Variants in MRPS28 observed in about 807,000 individuals in gnomAD.
MRPS28 encodes the protein mitochondrial ribosomal protein S28.
In MRPS28, 7 loss-of-function variants were observed where a neutral mutation model predicts 10.8. That is an observed-to-expected ratio of 0.65 (90% confidence interval 0.37 to 1.22). MRPS28 has a LOEUF of 1.22. Ranked by LOEUF, MRPS28 falls within the 50% of genes most tolerant of loss-of-function variation. MRPS28 has a pLI of 0.02. For missense variants in MRPS28, 265 were observed against 232.9 expected (o/e 1.14, Z -0.90); for synonymous variants, 121 against 93.3 (o/e 1.30, Z -1.71).
chr8:79,972,040 C>T (rs1807649404), intron 2 of MRPS28, among the ~76,000 whole-genome samples: 2 of 152,142 alleles, frequency 1.3e-5, no homozygotes, highest in South Asian at 4.1e-4. Context: ...CACTGTATGG[C>T]AAGTTCCACA....
At chr8:79,929,931 A>G (rs1383962734) in intron 2 of MRPS28, among the ~76,000 whole-genome samples, 1 of 152,174 alleles carries the variant, frequency 6.6e-6, no homozygotes, top group Non-Finnish European at 1.5e-5. Flanking sequence ...CCAGATTAAA[A>G]AAAGAGCAGT....
intron 2 of MRPS28, among the ~76,000 whole-genome samples, chr8:79,961,065 C>T (rs1407212934): frequency 6.6e-6 from 1 of 152,018 alleles, no homozygotes; most frequent in Non-Finnish European, 1.5e-5. Context: ...ACCCAAGGCC[C>T]ATAACTCTGT....
chr8:80,020,168 C>T (rs1044208652), intron 1 of MRPS28, among the ~76,000 whole-genome samples: 6 of 152,306 alleles, frequency 3.9e-5, no homozygotes, highest in Non-Finnish European at 8.8e-5. Context: ...AAAGGAATGT[C>T]TGCGTGACCA....
intron 2 of MRPS28, among the ~76,000 whole-genome samples, chr8:79,946,576 G>A (rs1210426321): frequency 6.6e-6 from 1 of 151,680 alleles, no homozygotes; most frequent in African/African-American, 2.4e-5. Context: ...AGCTTACTTG[G>A]GGAAAAAAAA....
chr8:80,017,137 G>GTTAATAGA (rs1194212142), intron 1 of MRPS28, among the ~76,000 whole-genome samples: 1 of 152,080 alleles, frequency 6.6e-6, no homozygotes, highest in East Asian at 1.9e-4. Flanking sequence ...TAGAAATCAG[G>GTTAATAGA]AATAGAAAGA....
At chr8:79,942,765 T>C (rs1215634236) in intron 2 of MRPS28, among the ~76,000 whole-genome samples, 1 of 152,138 alleles carries the variant, frequency 6.6e-6, no homozygotes, top group Non-Finnish European at 1.5e-5. Context: ...TTTTAAATAC[T>C]AAATAAAAAT....
intron 1 of MRPS28, among the ~76,000 whole-genome samples, chr8:80,011,581 C>T (rs1809051742): frequency 1.3e-5 from 2 of 151,994 alleles, no homozygotes; most frequent in Admixed American, 6.6e-5. Flanking sequence ...CGGTGAAACC[C>T]TGTCTCTACT....
chr8:79,935,089 T>A (rs567674545), intron 2 of MRPS28, among the ~76,000 whole-genome samples: 2 of 152,242 alleles, frequency 1.3e-5, no homozygotes, highest in Non-Finnish European at 2.9e-5. Flanking sequence ...CAGGCTTGGC[T>A]GAAACAATCC....
intron 2 of MRPS28, among the ~76,000 whole-genome samples, chr8:79,969,328 A>G (rs1807573401): frequency 6.6e-6 from 1 of 152,212 alleles, no homozygotes; most frequent in Admixed American, 6.5e-5. Context: ...AGGAAGAAAC[A>G]ATTTGGAAAT....
intron 1 of MRPS28, among the ~76,000 whole-genome samples, chr8:80,010,526 C>T (rs1376019167): frequency 1.3e-5 from 2 of 152,208 alleles, no homozygotes; most frequent in East Asian, 3.8e-4. Context: ...CACTACTCAG[C>T]TCCAGCTGCA....
At chr8:79,998,814 T>C (rs1392267281) in intron 2 of MRPS28, among the ~76,000 whole-genome samples, 3 of 152,232 alleles carry the variant, frequency 2.0e-5, no homozygotes, top group Non-Finnish European at 4.4e-5. Context: ...CTTAAAAGGC[T>C]ATTATTTAGC....
intron 2 of MRPS28, among the ~76,000 whole-genome samples, chr8:79,955,893 G>A (rs969801193): frequency 5.9e-5 from 9 of 151,986 alleles, no homozygotes; most frequent in South Asian, 2.1e-4. Flanking sequence ...AAATGTTTCC[G>A]AAAACTAAGA....
At chr8:79,984,514 T>C (rs1283821656) in intron 2 of MRPS28, among the ~76,000 whole-genome samples, 1 of 152,198 alleles carries the variant, frequency 6.6e-6, no homozygotes, top group East Asian at 1.9e-4. Context: ...ATCAGTGCGC[T>C]GTATTCAGGA....
intron 2 of MRPS28, among the ~76,000 whole-genome samples, chr8:79,987,117 C>T (rs376795688): frequency 3.9e-5 from 6 of 152,100 alleles, no homozygotes; most frequent in South Asian, 2.1e-4. Flanking sequence ...TCAGAAATAA[C>T]GCCGCATAGC....
chr8:79,934,194 C>T (rs1181934495), intron 2 of MRPS28, among the ~76,000 whole-genome samples: 3 of 152,054 alleles, frequency 2.0e-5, no homozygotes, highest in African/African-American at 7.2e-5. Context: ...TCCTCGTAAC[C>T]AGGTTATTAC....
intron 2 of MRPS28, among the ~76,000 whole-genome samples, chr8:79,939,880 G>A (rs1387254596): frequency 6.6e-6 from 1 of 151,810 alleles, no homozygotes; most frequent in Non-Finnish European, 1.5e-5. Context: ...TGAGGCAGGA[G>A]AATGGCGTGA....
intron 2 of MRPS28, among the ~76,000 whole-genome samples, chr8:80,002,245 T>C (rs375731160): frequency 1.3e-4 from 20 of 152,178 alleles, no homozygotes; most frequent in African/African-American, 4.1e-4. Context: ...CTGTAATTCA[T>C]CCTATCTAAA....
chr8:79,976,169 TG>T (rs1807791973), intron 2 of MRPS28, among the ~76,000 whole-genome samples: 1 of 151,968 alleles, frequency 6.6e-6, no homozygotes, highest in Admixed American at 6.6e-5. Context: ...CTGCAACCTC[TG>T]CCTCCCGGGT....
intron 2 of MRPS28, among the ~76,000 whole-genome samples, chr8:79,931,499 G>C (rs1372322234): frequency 6.6e-6 from 1 of 152,190 alleles, no homozygotes; most frequent in Non-Finnish European, 1.5e-5. Flanking sequence ...ACTCCTTGTA[G>C]GTGAACAACT....
Sources: allele counts gnomAD v4.1 joint callset (sites outside exome capture counted in the v4.1 genomes callset), GRCh38; gene constraint gnomAD v4.1.1; transcripts MANE v1.5; gene names NCBI Gene and HGNC (gene_info 2026-07-23, HGNC 2026-07-21).